IL16: variants seen among roughly 807,000 people sequenced by gnomAD.
IL16 encodes interleukin 16, also known as pro-interleukin-16.
Under a neutral mutation model 110.1 loss-of-function variants are expected in IL16, and 67 were observed. The observed-to-expected ratio is 0.61, with a 90% confidence interval of 0.50 to 0.75. The LOEUF is 0.75. IL16 is among the 30% of genes least tolerant of loss of function. IL16 has a pLI of 0.00. For missense variants in IL16, 1,545 were observed against 1,655.0 expected (o/e 0.93, Z 1.15); for synonymous variants, 689 against 662.9 (o/e 1.04, Z -0.61).
chr15:81,289,635 T>C (rs1447507138), intron 10 of IL16, among the ~76,000 whole-genome samples: 1 of 152,218 alleles, frequency 6.6e-6, no homozygotes, highest in Non-Finnish European at 1.5e-5. Context: ...TGTTTTGTTG[T>C]TGTTGTTGTT....
upstream of IL16, among the ~76,000 whole-genome samples, chr15:81,192,236 G>A (rs1332677470): frequency 1.3e-5 from 2 of 152,146 alleles, no homozygotes; most frequent in Admixed American, 6.5e-5. Flanking sequence ...ATCAGTATTC[G>A]GGAGTTCTGT....
At chr15:81,277,853 C>G (rs976902626) in intron 6 of IL16, among the ~76,000 whole-genome samples, 3 of 152,110 alleles carry the variant, frequency 2.0e-5, no homozygotes, top group Non-Finnish European at 4.4e-5. Flanking sequence ...ATCTGAGTTG[C>G]TTGGTGCAAT....
chr15:81,235,253 G>T (rs1041479661), intron 2 of IL16, among the ~76,000 whole-genome samples: 1 of 152,212 alleles, frequency 6.6e-6, no homozygotes, highest in African/African-American at 2.4e-5. Context: ...TTAAAGAAAA[G>T]AGGTTTATTT....
chr15:81,207,715 A>G (rs1896085648), intron 1 of IL16, among the ~76,000 whole-genome samples: 1 of 152,038 alleles, frequency 6.6e-6, no homozygotes, highest in Non-Finnish European at 1.5e-5. Flanking sequence ...ATTCTATTTT[A>G]TGGCTGCATA....
At chr15:81,258,726 A>ATG (rs1255521489) in intron 2 of IL16, among the ~76,000 whole-genome samples, 5 of 114,542 alleles carry the variant, frequency 4.4e-5, no homozygotes, top group African/African-American at 1.9e-4. Flanking sequence ...TCACTCGCGC[A>ATG]CGCGCTCTCT....
chr15:81,190,109 C>G (rs1305570581), intron 1 of IL16, among the ~76,000 whole-genome samples: 1 of 152,228 alleles, frequency 6.6e-6, no homozygotes, highest in Non-Finnish European at 1.5e-5. Flanking sequence ...AGGGACTCAA[C>G]TGCCTCCACA....
chr15:81,258,277 G>C (rs919306841), intron 2 of IL16, among the ~76,000 whole-genome samples: 1 of 152,008 alleles, frequency 6.6e-6, no homozygotes, highest in Non-Finnish European at 1.5e-5. Context: ...TTAGATGAGG[G>C]AGAGTCATGT....
chr15:81,198,701 G>A (rs1895687924), intron 1 of IL16, among the ~76,000 whole-genome samples: 1 of 151,808 alleles, frequency 6.6e-6, no homozygotes, highest in Admixed American at 6.6e-5. Flanking sequence ...GTATAGGAGT[G>A]AGAGGGAGGG....
intron 2 of IL16, among the ~76,000 whole-genome samples, chr15:81,254,693 C>G (rs968988305): frequency 6.6e-6 from 1 of 152,182 alleles, no homozygotes; most frequent in Non-Finnish European, 1.5e-5. Flanking sequence ...TCAGCTCTGA[C>G]AGCAGCCCCA....
intron 1 of IL16, among the ~76,000 whole-genome samples, chr15:81,186,954 T>G (rs1036892650): frequency 6.6e-6 from 1 of 152,192 alleles, no homozygotes; most frequent in African/African-American, 2.4e-5. Flanking sequence ...CCACCATGCC[T>G]GGCTATCCAT....
chr15:81,201,276 C>G (rs1219878824), intron 1 of IL16, among the ~76,000 whole-genome samples: 1 of 151,954 alleles, frequency 6.6e-6, no homozygotes, highest in Admixed American at 6.6e-5. Flanking sequence ...TACACCCACA[C>G]ACATGCACGC....
intron 2 of IL16, among the ~76,000 whole-genome samples, chr15:81,226,667 CCA>C (rs1273064297): frequency 6.6e-6 from 1 of 152,310 alleles, no homozygotes; most frequent in East Asian, 1.9e-4. Flanking sequence ...CTTAAGGACT[CCA>C]CAGCATCCTT....
At chr15:81,228,762 A>G (rs1174796123) in intron 2 of IL16, among the ~76,000 whole-genome samples, 1 of 152,186 alleles carries the variant, frequency 6.6e-6, no homozygotes, top group Non-Finnish European at 1.5e-5. Flanking sequence ...CAATATTGCT[A>G]TTTCTGAAGG....
intron 8 of IL16, among the ~76,000 whole-genome samples, chr15:81,281,063 A>G (rs1271271308): frequency 6.6e-5 from 10 of 152,194 alleles, no homozygotes; most frequent in Admixed American, 6.5e-4. Context: ...TCCACATTCT[A>G]AACAAGTATC....
intron 2 of IL16, among the ~76,000 whole-genome samples, chr15:81,247,956 T>G (rs997015051): frequency 6.6e-6 from 1 of 152,260 alleles, no homozygotes; most frequent in Admixed American, 6.5e-5. Flanking sequence ...TGTTTATGTT[T>G]AAAGAGACAT....
chr15:81,254,167 A>G (rs1244000596), intron 2 of IL16, among the ~76,000 whole-genome samples: 1 of 152,190 alleles, frequency 6.6e-6, no homozygotes, highest in African/African-American at 2.4e-5. Context: ...TAAGGTTTGG[A>G]TGGAAGGGGA....
chr15:81,284,919 T>C (rs1899372367), intron 9 of IL16, among the ~76,000 whole-genome samples: 1 of 152,120 alleles, frequency 6.6e-6, no homozygotes, highest in Middle Eastern at 3.2e-3. Context: ...ACCAAAAATA[T>C]TTACTCTCTG....
chr15:81,266,527 C>T (rs1246824396), intron 4 of IL16, among the ~76,000 whole-genome samples: 1 of 152,218 alleles, frequency 6.6e-6, no homozygotes, highest in Non-Finnish European at 1.5e-5. Flanking sequence ...GTGTACCCTA[C>T]ACACGTCCCA....
intron 5 of IL16, among the ~76,000 whole-genome samples, chr15:81,271,306 A>C (rs115752073): frequency 6.6e-6 from 1 of 150,838 alleles, no homozygotes; most frequent in African/African-American, 2.4e-5. Flanking sequence ...AAAATAAATA[A>C]ATAAATATAT....
Sources: gnomAD v4.1 joint callset for allele counts (sites outside exome capture counted in the v4.1 genomes callset) on GRCh38, gnomAD v4.1.1 for gene constraint, MANE v1.5 for transcripts, NCBI Gene and HGNC (gene_info 2026-07-23, HGNC 2026-07-21) for gene names.